TAB2: variants seen among roughly 807,000 people sequenced by gnomAD.
TAB2 encodes the protein TGF-beta-activated kinase 1 and MAP3K7-binding protein 2.
A neutral mutation model predicts 65.0 loss-of-function variants in TAB2; 3 were observed. The observed-to-expected ratio is 0.05, with a 90% CI of 0.02 to 0.12. The LOEUF (loss-of-function observed/expected upper bound fraction) is 0.12, where lower values mean the gene tolerates loss of function less well. Ranked by LOEUF, TAB2 falls within the 10% of genes least tolerant of loss-of-function variation. The pLI, the probability that TAB2 is intolerant of heterozygous loss-of-function variation, is 1.00. For synonymous variants in TAB2, 298 were observed against 285.1 expected (o/e 1.05, Z -0.46); for missense variants, 623 against 840.3 (o/e 0.74, Z 3.20).
chr6:149,351,262 G>A lies in TAB2; in HGVS notation c.-89-18647G>A, dbSNP rs114988836. ...TCCCCAACTGCAAGTTTTTTGTCCC[G>A]TATGCATTGAAAAAGAAGGCCTTAA... On this transcript the variant is annotated intron_variant, in intron 1 of 6. Coordinates refer to ENST00000637181, the MANE Select transcript of TAB2 (RefSeq NM_001292034.3). Among the ~76,000 whole-genome samples, 1,054 of 152,092 alleles carry A rather than the reference G, an allele frequency of 6.9e-3. 9 individuals carry two copies. The highest frequency in any genetic ancestry group is 0.024 in the African/African-American group (1,002 of 41,474).
intron 1 of TAB2, among the ~76,000 whole-genome samples, chr6:149,358,973 A>C (rs1780759944): frequency 1.3e-5 from 2 of 151,666 alleles, no homozygotes; most frequent in African/African-American, 4.8e-5. Context: ...AGAAGTCTTA[A>C]TTGATTCTTT....
At chr6:149,333,435 G>C (rs1779839266) in intron 1 of TAB2, among the ~76,000 whole-genome samples, 1 of 152,144 alleles carries the variant, frequency 6.6e-6, no homozygotes, top group African/African-American at 2.4e-5. Context: ...GTTTAGAGTT[G>C]AGTCCATAAT....
chr6:149,395,560 C>A (rs1782135785), intron 3 of TAB2, among the ~76,000 whole-genome samples: 1 of 152,210 alleles, frequency 6.6e-6, no homozygotes, highest in South Asian at 2.1e-4. Flanking sequence ...TAAATACCTT[C>A]AAGACCTTAG....
At chr6:149,295,830 T>C (rs1701932231) in intron 1 of TAB2, among the ~76,000 whole-genome samples, 1 of 152,212 alleles carries the variant, frequency 6.6e-6, no homozygotes, top group African/African-American at 2.4e-5. Flanking sequence ...TGGGGTGCAG[T>C]GGCATGATCT....
At chr6:149,380,364 A>G (rs1781567829) in intron 3 of TAB2, among the ~76,000 whole-genome samples, 1 of 152,108 alleles carries the variant, frequency 6.6e-6, no homozygotes, top group Non-Finnish European at 1.5e-5. Flanking sequence ...TGTTCCTGAT[A>G]TTTGTCCCTT....
At chr6:149,251,312 C>G (rs1394187081) in intron 1 of TAB2, among the ~76,000 whole-genome samples, 1 of 152,066 alleles carries the variant, frequency 6.6e-6, no homozygotes, top group Admixed American at 6.5e-5. Context: ...TTTCATAAGT[C>G]TCTGGGGGAA....
chr6:149,372,346 A>C (rs1410103295), intron 2 of TAB2: 1 of 152,234 alleles, frequency 6.6e-6, no homozygotes, highest in African/African-American at 2.4e-5. Flanking sequence ...TGGAAGAATT[A>C]AAAACAAAAT....
intron 2 of TAB2, among the ~76,000 whole-genome samples, 156 bp from the exon 3 acceptor site, chr6:149,377,862 C>T (rs1332035076): frequency 6.6e-6 from 1 of 152,084 alleles, no homozygotes; most frequent in Non-Finnish European, 1.5e-5. Flanking sequence ...ATTTTTAATT[C>T]AATCATTTGC....
At chr6:149,297,427 A>C (rs192722897) in intron 1 of TAB2, among the ~76,000 whole-genome samples, 101 of 152,366 alleles carry the variant, frequency 6.6e-4, no homozygotes, top group Admixed American at 3.5e-3. Flanking sequence ...GGGTAAGAAG[A>C]GGAACTCAAA....
chr6:149,398,481 C>T (rs1377922673), intron 5 of TAB2, among the ~76,000 whole-genome samples: 1 of 151,924 alleles, frequency 6.6e-6, no homozygotes, highest in Admixed American at 6.6e-5. Context: ...GGAATCTAAC[C>T]AAAAGAGAAG....
chr6:149,400,444 TTAATTTGAA>T, intron 6 of TAB2: 1 of 1,614,222 alleles, frequency 6.2e-7, no homozygotes, highest in Non-Finnish European at 8.5e-7. Context: ...AACAATCATA[TTAATTTGAA>T]GGTGGCGGGA....
intron 2 of TAB2, among the ~76,000 whole-genome samples, chr6:149,374,250 G>A (rs1191555630): frequency 2.0e-5 from 3 of 152,084 alleles, no homozygotes; most frequent in South Asian, 2.1e-4. Flanking sequence ...ACTGGGTCTC[G>A]CTCTCACCCA....
chr6:149,370,261 G>A (rs908612280), intron 2 of TAB2, among the ~76,000 whole-genome samples, 162 bp downstream of exon 2: 1 of 152,176 alleles, frequency 6.6e-6, no homozygotes, highest in Non-Finnish European at 1.5e-5. Flanking sequence ...TGGCAAGATG[G>A]AGCTTTCTGT....
intron 3 of TAB2, 44 bp from the exon 4 acceptor site, chr6:149,397,560 G>C (rs367607393): frequency 1.2e-6 from 2 of 1,609,126 alleles, no homozygotes; most frequent in Non-Finnish European, 1.7e-6. Flanking sequence ...AAGGTTAATT[G>C]ATTAAAGTGG....
At chr6:149,222,554 G>T (rs1314965181) in intron 1 of TAB2, among the ~76,000 whole-genome samples, 1 of 151,074 alleles carries the variant, frequency 6.6e-6, no homozygotes, top group Non-Finnish European at 1.5e-5. Context: ...AGAGGCGGAG[G>T]TTGCACTGAA....
At chr6:149,340,234 G>A (rs1261226933) in intron 1 of TAB2, among the ~76,000 whole-genome samples, 1 of 152,156 alleles carries the variant, frequency 6.6e-6, no homozygotes, top group Non-Finnish European at 1.5e-5. Context: ...GAGAATGAAT[G>A]TTATAACTTT....
chr6:149,375,506 C>T (rs954444066), intron 2 of TAB2, among the ~76,000 whole-genome samples: 9 of 151,906 alleles, frequency 5.9e-5, no homozygotes, highest in African/African-American at 1.5e-4. Flanking sequence ...AATTTTTGAG[C>T]GCTCAAGAGA....
intron 6 of TAB2, among the ~76,000 whole-genome samples, chr6:149,409,208 A>G (rs533672333): frequency 6.6e-6 from 1 of 152,354 alleles, no homozygotes; most frequent in East Asian, 1.9e-4. Flanking sequence ...CGAAACTCTA[A>G]TGAGACTTAT....
intron 1 of TAB2, among the ~76,000 whole-genome samples, chr6:149,285,507 T>G (rs912020822): frequency 2.0e-5 from 3 of 152,214 alleles, no homozygotes; most frequent in Admixed American, 6.5e-5. Context: ...CCCTACTGAC[T>G]GCAAAATCTG....
Sources: gnomAD v4.1 joint callset for allele counts (sites outside exome capture counted in the v4.1 genomes callset) on GRCh38, gnomAD v4.1.1 for gene constraint, MANE v1.5 for transcripts, NCBI Gene and HGNC (gene_info 2026-07-23, HGNC 2026-07-21) for gene names.